TMEM161A: variants seen among roughly 807,000 people sequenced by gnomAD.
The protein encoded by TMEM161A is transmembrane protein 161A, also known as adaptive response to oxidative stress protein 29.
In TMEM161A, 46 loss-of-function variants were observed where a neutral mutation model predicts 57.1. The ratio of observed to expected loss-of-function variants is 0.81; its 90% CI spans 0.64 to 1.03. The LOEUF (loss-of-function observed/expected upper bound fraction) is 1.03. Ranked by LOEUF, TMEM161A falls within the 50% of genes least tolerant of loss-of-function variation. The pLI is 0.00. For synonymous variants in TMEM161A, 288 were observed against 279.0 expected (o/e 1.03, Z -0.32); for missense variants, 601 against 621.5 (o/e 0.97, Z 0.35).
At chr19:19,133,234 G>C (rs772744312) in intron 2 of TMEM161A, 24 bp from the exon 3 acceptor site, 2 of 1,612,464 alleles carry the variant, frequency 1.2e-6, no homozygotes, top group South Asian at 1.1e-5. Flanking sequence ...CGGGCAGTCA[G>C]GGAAGCTCAG....
At chr19:19,136,226 TATC>T (rs1196582707) in intron 1 of TMEM161A, among the ~76,000 whole-genome samples, 3 of 152,198 alleles carry the variant, frequency 2.0e-5, no homozygotes, top group African/African-American at 2.4e-5. Flanking sequence ...GTTCTGGAAT[TATC>T]ATCAAAATGA....
At chr19:19,136,418 G>A (rs952738543) in intron 1 of TMEM161A, among the ~76,000 whole-genome samples, 2 of 152,134 alleles carry the variant, frequency 1.3e-5, no homozygotes, top group Non-Finnish European at 2.9e-5. Flanking sequence ...CATGTTGGGA[G>A]GCTGAGGCGG....
chr19:19,134,804 GC>G lies in TMEM161A; in HGVS notation c.86del (p.Arg29ProfsTer116). 1 of 1,584,810 alleles carries G rather than the reference GC, an allele frequency of 6.3e-7. No individual in the cohort carries two copies. Among genetic ancestry groups the G allele is most frequent in the Non-Finnish European group, 8.6e-7 (1 of 1,167,260 alleles). On this transcript the variant is annotated frameshift_variant, in exon 2 of 12. Transcript: ENST00000162044. LOFTEE classifies it high-confidence loss of function. Reference sequence around the variant, plus strand: ...CTCACCTGCCGTTACAGAGCAGCCAGCGCGCGAAGGAGCAGTGTGGCGCCAG... The same window carrying G: ...CTCACCTGCCGTTACAGAGCAGCCAGGCGCGAAGGAGCAGTGTGGCGCCAG... ...HRLAPHCSFARWLLCNGSLFR... is the reference protein window; with the variant it reads ...HRLAPHCSFAXWLLCNGSLFR...
chr19:19,119,891 AG>A lies in TMEM161A; in HGVS notation c.*38del. The A allele has an allele frequency of 6.5e-7, 1 of 1,544,138 alleles. No homozygotes were observed. Among genetic ancestry groups the A allele is most frequent in the Non-Finnish European group, 8.7e-7 (1 of 1,143,938 alleles). Reference sequence around the variant, plus strand: ...GGGCAGGCTAGTGTCCCGCTGCCCCAGGAACAGACCTCAGGGCCCCAGGAGG... The same window carrying A: ...GGGCAGGCTAGTGTCCCGCTGCCCCAGAACAGACCTCAGGGCCCCAGGAGG... On this transcript the variant is annotated 3_prime_UTR_variant, in exon 12 of 12. Transcript: ENST00000162044.
chr19:19,121,053 G>A lies in TMEM161A; in HGVS notation c.1028C>T (p.Ala343Val). ...HLQAYLCLAK[A>V]RVEQLRREAG... Reference sequence around the variant, plus strand: ...CTCCCTTCGCAGCTGCTCCACCCGGGCCTTGGCCAGGCACAGGTAGGCCTG... The same window carrying A: ...CTCCCTTCGCAGCTGCTCCACCCGGACCTTGGCCAGGCACAGGTAGGCCTG... Residue 343 changes from alanine (A) to valine (V), a missense_variant, in exon 10 of 12, where the codon GCC becomes GTC. Coordinates refer to ENST00000162044, the MANE Select transcript of TMEM161A (RefSeq NM_017814.3). This position sits in a 1 kb window ranked among gnomAD's most constrained non-coding sequence, Gnocchi z 5.8. 1 of 1,611,976 alleles carries A rather than the reference G, an allele frequency of 6.2e-7. No homozygotes were observed. Among genetic ancestry groups the A allele is most frequent in the Admixed American group, 1.7e-5 (1 of 59,982 alleles).
intron 6 of TMEM161A, among the ~76,000 whole-genome samples, chr19:19,126,974 G>C (rs1272485349): frequency 1.2e-5 from 1 of 83,062 alleles, no homozygotes; most frequent in African/African-American, 3.5e-5. Flanking sequence ...TTGAATCCGG[G>C]AGGCAAAGGT....
Position 19,121,665 on chromosome 19 carries a change from A to C in TMEM161A, c.660T>G (p.Leu220=). Residue 220 remains leucine, a synonymous_variant, in exon 8 of 12, where the codon CTT becomes CTG. Coordinates refer to ENST00000162044, the MANE Select transcript of TMEM161A (RefSeq NM_017814.3). This position sits in a 1 kb window ranked among gnomAD's most constrained non-coding sequence, Gnocchi z 5.8. ...CGCGGATAGCCAGCTTGGCCACAGG[A>C]AGCCTAGGAGAACACCAGGTCACGA... ...LLKKQGWDWA[L]PVAKLAIRVG... is the part of the protein sequence containing the mutation. 1 of 1,613,576 alleles carries C rather than the reference A, an allele frequency of 6.2e-7. No individual in the cohort carries two copies. The highest frequency in any genetic ancestry group is 1.3e-5 in the African/African-American group (1 of 74,998).
chr19:19,131,455 A>T (rs1033120718), intron 5 of TMEM161A, among the ~76,000 whole-genome samples: 15 of 151,568 alleles, frequency 9.9e-5, no homozygotes, highest in African/African-American at 2.9e-4. Context: ...CAACAACAAC[A>T]ACAAATATAT....
chr19:19,121,226 T>C lies in TMEM161A; in HGVS notation c.915-60A>G, dbSNP rs1170041325. On this transcript the variant is annotated intron_variant, in intron 9 of 11. Coordinates refer to ENST00000162044, the MANE Select transcript of TMEM161A (RefSeq NM_017814.3). The surrounding 1 kb of genome is among the most constrained non-coding windows in gnomAD (Gnocchi z 5.8). ...AGGTCGCCCCCGACCCCCCAGGATC[T>C]TCCCCAGGCTCCTCCCTGAATCTCA... 6 of 1,549,574 alleles carry C rather than the reference T, an allele frequency of 3.9e-6. No individual in the cohort carries two copies. Among genetic ancestry groups the C allele is most frequent in the Non-Finnish European group, 5.2e-6 (6 of 1,145,916 alleles).
At chr19:19,124,880 A>G (rs2059924035) in intron 6 of TMEM161A, among the ~76,000 whole-genome samples, 2 of 152,058 alleles carry the variant, frequency 1.3e-5, no homozygotes, top group Admixed American at 1.3e-4. Context: ...GCTTGAACCC[A>G]GGAGGCAGAG....
At position 19,121,760 on chromosome 19, in the gene TMEM161A, C is replaced by T. The variant is rs772689122; in HGVS notation, c.655G>A (p.Ala219Thr). The stretch of plus-strand genomic sequence containing the variant: ...CCCTCCCCCATTCCCAGGACTCACG[C>T]CCAGTCCCAGCCCTGCTTCTTCAGA... ...PLLKKQGWDW[A>T]LPVAKLAIRV... The change falls in exon 7 of 12, where the codon GCG (alanine) becomes ACG (threonine). Residue 219 changes from alanine (A) to threonine (T), a missense_variant and splice_region_variant. By Grantham distance (58) the Ala-to-Thr change is moderately conservative (BLOSUM62 0). Coordinates refer to ENST00000162044, the MANE Select transcript of TMEM161A (RefSeq NM_017814.3). This position sits in a 1 kb window ranked among gnomAD's most constrained non-coding sequence, Gnocchi z 5.8. 1.2e-6 allele frequency: 2 copies of T among 1,614,074 alleles called. No individual in the cohort carries two copies. Among genetic ancestry groups the T allele is most frequent in the Admixed American group, 1.7e-5 (1 of 60,012 alleles).
At chr19:19,138,006 T>G (rs2059991944) in intron 1 of TMEM161A, among the ~76,000 whole-genome samples, 1 of 152,132 alleles carries the variant, frequency 6.6e-6, no homozygotes, top group African/African-American at 2.4e-5. Context: ...GGACCCCCGA[T>G]GGATCCTGTC....
intron 6 of TMEM161A, among the ~76,000 whole-genome samples, chr19:19,122,490 G>A (rs1256478170): frequency 6.6e-6 from 1 of 151,988 alleles, no homozygotes. Context: ...CAAAAATTAA[G>A]AGCAGGGCTG....
intron 2 of TMEM161A, chr19:19,133,475 T>G (rs2059969449): frequency 4.7e-6 from 2 of 421,136 alleles, no homozygotes; most frequent in Non-Finnish European, 4.2e-6. Context: ...TTCTTTTCTT[T>G]TTCATTTTCT....
chr19:19,137,270 C>T (rs567913115), intron 1 of TMEM161A, among the ~76,000 whole-genome samples: 12 of 152,112 alleles, frequency 7.9e-5, no homozygotes, highest in Non-Finnish European at 5.9e-5. Context: ...CCTCCCTGCA[C>T]CCAACCACTG....
chr19:19,130,718 C>T (rs2059954490), intron 5 of TMEM161A, among the ~76,000 whole-genome samples: 1 of 151,972 alleles, frequency 6.6e-6, no homozygotes, highest in Admixed American at 6.6e-5. Flanking sequence ...AGGAGGATCA[C>T]TTGAGCCCAG....
chr19:19,136,662 AAAT>A (rs965431987), intron 1 of TMEM161A, among the ~76,000 whole-genome samples: 2 of 152,054 alleles, frequency 1.3e-5, no homozygotes, highest in Non-Finnish European at 2.9e-5. Flanking sequence ...TCTCAAAACA[AAAT>A]AATAATAATA....
chr19:19,127,521 A>T (rs1028394679), intron 6 of TMEM161A, among the ~76,000 whole-genome samples: 3 of 151,982 alleles, frequency 2.0e-5, no homozygotes, highest in African/African-American at 4.8e-5. Context: ...ACGGAGTTTC[A>T]CCATGTTAGC....
At chr19:19,136,875 C>T (rs2059987081) in intron 1 of TMEM161A, among the ~76,000 whole-genome samples, 1 of 152,004 alleles carries the variant, frequency 6.6e-6, no homozygotes, top group Admixed American at 6.6e-5. Flanking sequence ...GAGTGCCAGC[C>T]CATGGGCCCC....
Sources: allele counts gnomAD v4.1 joint callset (sites outside exome capture counted in the v4.1 genomes callset), GRCh38; gene constraint gnomAD v4.1.1; non-coding constraint Gnocchi (gnomAD v3.1); transcripts MANE v1.5; gene names NCBI Gene and HGNC (gene_info 2026-07-23, HGNC 2026-07-21).